RBCK1: variants seen among roughly 807,000 people sequenced by gnomAD.
RBCK1 encodes the protein RANBP2-type and C3HC4-type zinc finger containing 1, also known as ranBP-type and C3HC4-type zinc finger-containing protein 1.
RBCK1 carries 44 observed loss-of-function variants against 71.1 expected under a neutral mutation model. The observed-to-expected ratio is 0.62, with a 90% CI of 0.49 to 0.80. The LOEUF (loss-of-function observed/expected upper bound fraction) is 0.80. Ranked by LOEUF, RBCK1 falls within the 30% of genes least tolerant of loss-of-function variation. RBCK1 has a pLI of 0.00. For synonymous variants in RBCK1, 306 were observed against 279.7 expected, an observed-to-expected ratio of 1.09 and a Z score of -0.94; for missense variants, 569 against 685.0, an observed-to-expected ratio of 0.83 and a Z score of 1.89.
rs777077565 is a variant in RBCK1 at position 408,731 on chromosome 20, C to A, written c.-27C>A. ...CATTTCCCAGGAGGCACGGTCCCCC[C>A]CAGGGGGATGGGCACAGCCACGCCA... On this transcript the variant is annotated 5_prime_UTR_variant, in exon 1 of 12. Transcript: ENST00000356286. 2 of 1,612,198 alleles carry A rather than the reference C, an allele frequency of 1.2e-6. No individual in the cohort carries two copies. Among genetic ancestry groups the A allele is most frequent in the Non-Finnish European group, 1.7e-6 (2 of 1,179,556 alleles).
At position 417,109 on chromosome 20, in the gene RBCK1, G is replaced by A. The variant is rs950068956; in HGVS notation, c.168-417G>A. On this transcript the variant is annotated intron_variant, in intron 2 of 11. Coordinates refer to ENST00000356286, the MANE Select transcript of RBCK1 (RefSeq NM_031229.4). The surrounding 1 kb of genome is among the most constrained non-coding windows in gnomAD (Gnocchi z 4.7). ...TTTTTATCTGTAAAACAGGGATACA[G>A]CAGTACCTGTCTGATGGGTTGGTTG... is the stretch of plus-strand genomic sequence containing the variant. 2 of 447,184 alleles carry A rather than the reference G, an allele frequency of 4.5e-6. No homozygotes were observed. The highest frequency in any genetic ancestry group is 9.3e-6 in the Non-Finnish European group (2 of 214,216). The allele number at this position is 447,184 out of a possible 1,614,324, so 27.7% of individuals were successfully genotyped here. A position where few individuals can be genotyped will look rare whatever the true frequency, so the allele number is the denominator to read the frequency against.
Position 428,691 on chromosome 20 carries a change from G to A in RBCK1, c.1308+102G>A. ...GGGCTGTGCTCACACATCCCTGGAGGCTCTGACCTCCCTTCTGGCTGTCAC... is the reference window on the plus strand; with the variant it reads ...GGGCTGTGCTCACACATCCCTGGAGACTCTGACCTCCCTTCTGGCTGTCAC... On this transcript the variant is annotated intron_variant, in intron 10 of 11. Coordinates refer to ENST00000356286, the MANE Select transcript of RBCK1 (RefSeq NM_031229.4). The surrounding 1 kb of genome is among the most constrained non-coding windows in gnomAD (Gnocchi z 5.7). 7 of 1,373,802 alleles carry A rather than the reference G, an allele frequency of 5.1e-6. No individual in the cohort carries two copies. The South Asian group carries it at 7.5e-5, about 15-fold the overall frequency. 85.1% of individuals were successfully genotyped at this position (1,373,802 alleles called of 1,614,324 possible).
rs545713829 is a variant in RBCK1 at position 408,494 on chromosome 20, G to C, written c.-264G>C. On this transcript the variant is annotated 5_prime_UTR_variant, in exon 1 of 12. Coordinates refer to ENST00000356286, the MANE Select transcript of RBCK1 (RefSeq NM_031229.4). ...GCTTCTTCCCACCTCGGCTGGTCCC[G>C]TTTCCTCCTGCGCCCAGTGCGGACC... 3 of 551,224 alleles carry C rather than the reference G, an allele frequency of 5.4e-6. No individual in the cohort carries two copies. Among genetic ancestry groups the C allele is most frequent in the Non-Finnish European group, 9.6e-6 (3 of 312,110 alleles). The allele number at this position is 551,224 out of a possible 1,614,324, so 34.1% of individuals were successfully genotyped here.
chr20:430,713 A>C lies in RBCK1; in HGVS notation c.*283A>C. The C allele has an allele frequency of 2.6e-5, 12 of 468,972 alleles. No homozygotes were observed. The highest frequency in any genetic ancestry group is 7.9e-5 in the East Asian group (2 of 25,376). 29.1% of individuals were successfully genotyped at this position (468,972 alleles called of 1,614,324 possible). The stretch of plus-strand genomic sequence containing the variant: ...GGGTGGAGCCTCTGTGTGACTCCAT[A>C]CTCCTCCCACCACAACACTCATCTG... On this transcript the variant is annotated 3_prime_UTR_variant, in exon 12 of 12. Coordinates refer to ENST00000356286, the MANE Select transcript of RBCK1 (RefSeq NM_031229.4). This position sits in a 1 kb window ranked among gnomAD's most constrained non-coding sequence, Gnocchi z 5.6.
intron 6 of RBCK1, chr20:420,409 C>G (rs942195487): frequency 1.0e-6 from 1 of 984,934 alleles, no homozygotes; most frequent in Non-Finnish European, 1.2e-6. Flanking sequence ...CTGGCCACCC[C>G]ACTCCTGTTC....
In RBCK1 at chr20:422,730, G is replaced by T. The variant is rs140133260; in HGVS notation, c.1029+492G>T. On this transcript the variant is annotated intron_variant, in intron 8 of 11. Coordinates refer to ENST00000356286, the MANE Select transcript of RBCK1 (RefSeq NM_031229.4). The surrounding 1 kb of genome is among the most constrained non-coding windows in gnomAD (Gnocchi z 5.0). ...ACTTGGGTGGGGTCTGGGATGAGTG[G>T]GCTGAGGTGGGAGGATTGCTTGAGC... is the stretch of plus-strand genomic sequence containing the variant. 4.2e-3 allele frequency among the ~76,000 whole-genome samples: 645 copies of T among 152,248 alleles called. 2 individuals carry two copies. Among genetic ancestry groups the T allele is most frequent in the African/African-American group, 0.014 (602 of 41,540 alleles).
In RBCK1 at chr20:420,881, A is replaced by G. The variant is rs750120857; in HGVS notation, c.767A>G (p.Gln256Arg). 3 of 1,543,814 alleles carry G rather than the reference A, an allele frequency of 1.9e-6. No homozygotes were observed. Among genetic ancestry groups the G allele is most frequent in the African/African-American group, 1.4e-5 (1 of 69,582 alleles). Residue 256 changes from glutamine (Q) to arginine (R), a missense_variant, in exon 7 of 12, where the codon CAG becomes CGG. This residue lies in a region of RBCK1 where 358 missense variants were observed against 375.6 expected (regional missense o/e 0.95). Coordinates refer to ENST00000356286, the MANE Select transcript of RBCK1 (RefSeq NM_031229.4). The part of the protein sequence containing the change: ...ALRQYQQRKQ[Q>R]QQEGNYLQHV... ...GCCCCGTGTGCCCAGCGGAAGCAGC[A>G]GCAGCAGGAGGGGAACTACCTGCAG...
At chr20:418,615 G>T (rs559052274) in intron 4 of RBCK1, among the ~76,000 whole-genome samples, 17 of 152,264 alleles carry the variant, frequency 1.1e-4, no homozygotes, top group Middle Eastern at 3.4e-3. Flanking sequence ...TGATCCGCCC[G>T]CCTCGGCCTC....
intron 6 of RBCK1, chr20:420,024 C>G (rs2016288087): frequency 1.0e-6 from 1 of 985,234 alleles, no homozygotes; most frequent in Non-Finnish European, 1.2e-6. Flanking sequence ...ACACACCACA[C>G]GAGTATGGCT....
At chr20:409,773 G>T in intron 1 of RBCK1, 108 bp from the exon 2 acceptor site, 1 of 1,495,790 alleles carries the variant, frequency 6.7e-7, no homozygotes, top group Non-Finnish European at 9.0e-7. Flanking sequence ...TCACCAGGAA[G>T]ACAGAGAAAG....
intron 6 of RBCK1, chr20:420,462 T>A (rs933358760): frequency 1.1e-6 from 1 of 947,682 alleles, no homozygotes; most frequent in Non-Finnish European, 1.2e-6. Flanking sequence ...ACCCCTGACG[T>A]TGAGTGGCTC....
At position 414,913 on chromosome 20, in the gene RBCK1, G is replaced by A. The variant is rs572529282; in HGVS notation, c.168-2613G>A. 7.2e-5 allele frequency among the ~76,000 whole-genome samples: 11 copies of A among 152,222 alleles called. 1 individual carries two copies. The highest frequency in any genetic ancestry group is 6.5e-4 in the Admixed American group (10 of 15,286). ...ACGTGGAAAATGTGGTAAACTTTTA[G>A]AGTCTTTGCATGTTTAAAAATTTCT... On this transcript the variant is annotated intron_variant, in intron 2 of 11. Transcript: ENST00000356286.
chr20:417,491 C>T lies in RBCK1; in HGVS notation c.168-35C>T, dbSNP rs1164116041. On this transcript the variant is annotated intron_variant, in intron 2 of 11. Coordinates refer to ENST00000356286, the MANE Select transcript of RBCK1 (RefSeq NM_031229.4). This position sits in a 1 kb window ranked among gnomAD's most constrained non-coding sequence, Gnocchi z 4.7. ...CGGTGGCTGAGGCTGGACCCCTGGC[C>T]AGAGCCCATGCTGAGCCCCTGCTGT... The T allele has an allele frequency of 1.2e-6, 2 of 1,604,552 alleles. No homozygotes were observed.
chr20:430,730 A>C lies in RBCK1; in HGVS notation c.*300A>C. 7.2e-6 allele frequency: 3 copies of C among 417,694 alleles called. No individual in the cohort carries two copies. The highest frequency in any genetic ancestry group is 1.3e-5 in the Non-Finnish European group (3 of 226,740). The allele number at this position is 417,694 out of a possible 1,614,324, so 25.9% of individuals were successfully genotyped here. ...GACTCCATACTCCTCCCACCACAAC[A>C]CTCATCTGTCAAACACCAAGCACTC... On this transcript the variant is annotated 3_prime_UTR_variant, in exon 12 of 12. Coordinates refer to ENST00000356286, the MANE Select transcript of RBCK1 (RefSeq NM_031229.4). This position sits in a 1 kb window ranked among gnomAD's most constrained non-coding sequence, Gnocchi z 5.6.
chr20:422,355 C>T lies in RBCK1; in HGVS notation c.1029+117C>T, dbSNP rs1167539323. 6.3e-6 allele frequency: 5 copies of T among 796,400 alleles called. No individual in the cohort carries two copies. The highest frequency in any genetic ancestry group is 4.3e-5 in the Admixed American group (2 of 46,820). 49.3% of individuals were successfully genotyped at this position (796,400 alleles called of 1,614,324 possible). ...TTTTTTTTTTGGAGATGGGGTCTCACTATGTTGTCCAAGCTGGTCTCAAAC... is the reference window on the plus strand; with the variant it reads ...TTTTTTTTTTGGAGATGGGGTCTCATTATGTTGTCCAAGCTGGTCTCAAAC... On this transcript the variant is annotated intron_variant, in intron 8 of 11. Coordinates refer to ENST00000356286, the MANE Select transcript of RBCK1 (RefSeq NM_031229.4). This position sits in a 1 kb window ranked among gnomAD's most constrained non-coding sequence, Gnocchi z 5.0.
chr20:425,007 ATTTT>A (rs111583781), intron 8 of RBCK1, among the ~76,000 whole-genome samples: 3 of 146,186 alleles, frequency 2.1e-5, no homozygotes, highest in Non-Finnish European at 4.5e-5. Flanking sequence ...CTCTGGGCAA[ATTTT>A]TTTTTTTTTT....
intron 8 of RBCK1, among the ~76,000 whole-genome samples, chr20:423,958 G>A (rs539872930): frequency 5.3e-4 from 81 of 152,310 alleles, no homozygotes; most frequent in Non-Finnish European, 9.3e-4. Flanking sequence ...AAGGTTCCAA[G>A]AGCAGCCATG....
intron 8 of RBCK1, among the ~76,000 whole-genome samples, chr20:427,002 A>G (rs561464973): frequency 7.7e-5 from 9 of 117,578 alleles, no homozygotes; most frequent in Non-Finnish European, 1.1e-4. Context: ...TTTATTTTTT[A>G]AAAAAATTTT....
In RBCK1 at chr20:429,102, T is replaced by C; in HGVS notation, c.1452+8T>C. On this transcript the variant is annotated splice_region_variant and intron_variant, in intron 11 of 11. Transcript: ENST00000356286. The stretch of plus-strand genomic sequence containing the variant: ...CCACGCTGGGGCCCTGGGGTGAGTC[T>C]TTGCTCGTGGTGGTGTGGAGAGGGT... 6.2e-7 allele frequency: 1 copy of C among 1,608,030 alleles called. No homozygotes were observed.
Sources: gnomAD v4.1 joint callset for allele counts (sites outside exome capture counted in the v4.1 genomes callset) on GRCh38, gnomAD v4.1.1 for gene constraint, gnomAD v4.1.1 regional missense constraint, Gnocchi (gnomAD v3.1) non-coding constraint, MANE v1.5 for transcripts, NCBI Gene and HGNC (gene_info 2026-07-23, HGNC 2026-07-21) for gene names.